The following ADGRL1 variants were observed in gnomAD, a reference collection of about 807,000 sequenced individuals.
ADGRL1 encodes CIRL-1.
Under a neutral mutation model 148.9 loss-of-function variants are expected in ADGRL1, and 31 were observed. The observed-to-expected ratio is 0.21, with a 90% CI of 0.16 to 0.28. The LOEUF (loss-of-function observed/expected upper bound fraction) is 0.28, where lower values mean the gene tolerates loss of function less well. Ranked by LOEUF, ADGRL1 falls within the 10% of genes least tolerant of loss-of-function variation. The probability of loss-of-function intolerance (pLI) is 1.00; values close to 1 mark genes in which losing one functional copy is unlikely to be tolerated. For missense variants in ADGRL1, 1,521 were observed against 2,058.8 expected, an observed-to-expected ratio of 0.74 and a Z score of 5.05; for synonymous variants, 937 against 900.3, an observed-to-expected ratio of 1.04 and a Z score of -0.73.
intron 3 of ADGRL1, among the ~76,000 whole-genome samples, chr19:14,176,437 G>C (rs752014596): frequency 1.4e-4 from 21 of 152,296 alleles, no homozygotes; most frequent in Non-Finnish European, 2.8e-4. Context: ...CCAAGTTACA[G>C]TCTTGCATGC....
chr19:14,176,837 C>CAA (rs34113726), intron 3 of ADGRL1, among the ~76,000 whole-genome samples: 125 of 136,378 alleles, frequency 9.2e-4, no homozygotes, highest in African/African-American at 3.2e-3. Context: ...ACCCTATCTT[C>CAA]AAAAAAAAAA....
rs888792140 is a variant in ADGRL1 at position 14,159,289 on chromosome 19, G to C, written c.2024-74C>G. On this transcript the variant is annotated intron_variant, in intron 10 of 22. Transcript: ENST00000361434. This position sits in a 1 kb window ranked among gnomAD's most constrained non-coding sequence, Gnocchi z 6.0. ...AGTCCAGGGGCTCAGGCTGCAGAACGAGACTCTGGCAAGATGCCCAAGGGT... is the reference window on the plus strand; with the variant it reads ...AGTCCAGGGGCTCAGGCTGCAGAACCAGACTCTGGCAAGATGCCCAAGGGT... The C allele has an allele frequency of 3.2e-6, 5 of 1,585,020 alleles. No individual in the cohort carries two copies. Among genetic ancestry groups the C allele is most frequent in the African/African-American group, 1.3e-5 (1 of 74,336 alleles).
intron 1 of ADGRL1, among the ~76,000 whole-genome samples, chr19:14,205,007 G>A (rs1303413920): frequency 6.6e-6 from 1 of 152,130 alleles, no homozygotes; most frequent in African/African-American, 2.4e-5. Context: ...GTTGGCCAGG[G>A]ATGGGGCAGT....
chr19:14,156,084 AG>A, intron 17 of ADGRL1, 25 bp downstream of exon 17: 1 of 1,329,284 alleles, frequency 7.5e-7, no homozygotes, highest in Admixed American at 2.2e-5. Flanking sequence ...GTGATGGGGC[AG>A]GGGGCAGGCA....
At chr19:14,203,493 C>T (rs1345291712) in intron 1 of ADGRL1, among the ~76,000 whole-genome samples, 1 of 152,134 alleles carries the variant, frequency 6.6e-6, no homozygotes, top group Non-Finnish European at 1.5e-5. Context: ...GCAGACGCCC[C>T]GAGATGCAAG....
chr19:14,164,397 G>A (rs1969745742), intron 4 of ADGRL1, among the ~76,000 whole-genome samples: 1 of 152,110 alleles, frequency 6.6e-6, no homozygotes, highest in South Asian at 2.1e-4. Flanking sequence ...GGCTCCGTGG[G>A]AGGCTGCGCT....
intron 2 of ADGRL1, 91 bp from the exon 3 acceptor site, chr19:14,177,835 C>G (rs777383238): frequency 2.0e-4 from 236 of 1,198,770 alleles, no homozygotes; most frequent in Non-Finnish European, 2.6e-4. Context: ...ACCTCTGGCT[C>G]GGCTGTGTCC....
intron 16 of ADGRL1, 92 bp from the exon 17 acceptor site, chr19:14,156,293 G>T: frequency 9.8e-7 from 1 of 1,018,054 alleles, no homozygotes; most frequent in Non-Finnish European, 1.5e-6. Context: ...CGAAATCTCA[G>T]CTGTGGCCCT....
At chr19:14,185,805 G>A (rs566435645) in intron 1 of ADGRL1, among the ~76,000 whole-genome samples, 1 of 152,264 alleles carries the variant, frequency 6.6e-6, no homozygotes, top group African/African-American at 2.4e-5. Context: ...CCTTGTAATT[G>A]GCCCAGTTAG....
rs373058137 is a variant in ADGRL1 at position 14,160,576 on chromosome 19, G to A, written c.1614+17C>T. The A allele has an allele frequency of 3.3e-5, 52 of 1,570,222 alleles. No homozygotes were observed. In the East Asian group the frequency reaches 6.5e-4, roughly 20 times the overall value. ...CCCGAGCACATGTGCCTGCCTGCGA[G>A]GGGTGGTGGCTGGTACCTTCTGGGC... On this transcript the variant is annotated intron_variant, in intron 7 of 22. Transcript: ENST00000361434. This position sits in a 1 kb window ranked among gnomAD's most constrained non-coding sequence, Gnocchi z 5.9.
rs1482438088 is a variant in ADGRL1 at position 14,162,856 on chromosome 19, C to G, written c.945G>C (p.Met315Ile). 1.2e-6 allele frequency: 2 copies of G among 1,614,088 alleles called. No individual in the cohort carries two copies. Among genetic ancestry groups the G allele is most frequent in the Non-Finnish European group, 8.5e-7 (1 of 1,180,006 alleles). Residue 315 changes from methionine to isoleucine, a missense_variant, in exon 5 of 23, where the codon ATG becomes ATC. Around this residue, in one of 8 missense-constraint regions of ADGRL1, gnomAD observed 334 missense variants for 512.5 expected, o/e 0.65. Coordinates refer to ENST00000361434, the MANE Select transcript of ADGRL1 (RefSeq NM_014921.5). This position sits in a 1 kb window ranked among gnomAD's most constrained non-coding sequence, Gnocchi z 5.4. The part of the protein sequence containing the change: ...YDKRSASNAF[M>I]VCGVLYVLRS... ...GCAGGACGTACAGGACCCCACACAC[C>G]ATGAAGGCGTTGGATGCCGAGCGCT...
At position 14,157,022 on chromosome 19, in the gene ADGRL1, G is replaced by A. The variant is rs150820451; in HGVS notation, c.2869C>T (p.Arg957Cys). 9.3e-6 allele frequency: 15 copies of A among 1,613,864 alleles called. No individual in the cohort carries two copies. Among genetic ancestry groups the A allele is most frequent in the Admixed American group, 1.7e-5 (1 of 59,972 alleles). The change falls in exon 15 of 23, where the codon CGC becomes TGC. Residue 957 changes from arginine to cysteine, a missense_variant. Physicochemically the swap from Arg to Cys is radical, Grantham distance 180 (BLOSUM62 -3). Coordinates refer to ENST00000361434, the MANE Select transcript of ADGRL1 (RefSeq NM_014921.5). The surrounding 1 kb of genome is among the most constrained non-coding windows in gnomAD (Gnocchi z 7.5). ...CCACCCAGGTAGTAGTACTTGGTGC[G>A]GGAATACTCGCTCTCAAACACCTCC... ...LVEVFESEYS[R>C]TKYYYLGGYC...
intron 1 of ADGRL1, among the ~76,000 whole-genome samples, chr19:14,189,686 C>A (rs1599501881): frequency 6.6e-6 from 1 of 152,154 alleles, no homozygotes; most frequent in East Asian, 1.9e-4. Context: ...AATGGACATG[C>A]GGGCTGTTGC....
At position 14,151,059 on chromosome 19, in the gene ADGRL1, A is replaced by AGGGGGCGGGGGGGGGGGGGG; in HGVS notation, c.4223_4224insCCCCCCCCCCCCCCGCCCCC (p.Ala1410ProfsTer125). On this transcript the variant is annotated frameshift_variant, in exon 23 of 23. Coordinates refer to ENST00000361434, the MANE Select transcript of ADGRL1 (RefSeq NM_014921.5). LOFTEE classifies it high-confidence loss of function. Reference sequence around the variant, plus strand: ...TTTCGGGGGGGCCGGGGGGTGCGGGAGGGGGTGGGGGCAGGGCCTCACTGG... The same window carrying AGGGGGCGGGGGGGGGGGGGG: ...TTTCGGGGGGGCCGGGGGGTGCGGGAGGGGGCGGGGGGGGGGGGGGGGGGGTGGGGGCAGGGCCTCACTGG... The AGGGGGCGGGGGGGGGGGGGG allele has an allele frequency of 4.8e-6, 1 of 208,602 alleles. No individual in the cohort carries two copies. 12.9% of individuals were successfully genotyped at this position (208,602 alleles called of 1,614,324 possible). A position where few individuals can be genotyped will look rare whatever the true frequency, so the allele number is the denominator to read the frequency against.
chr19:14,192,627 G>A (rs1244592726), intron 1 of ADGRL1, among the ~76,000 whole-genome samples: 4 of 151,450 alleles, frequency 2.6e-5, no homozygotes, highest in Admixed American at 2.0e-4. Context: ...TGCAACCTCC[G>A]CCTCAAGTGA....
chr19:14,160,390 T>G lies in ADGRL1; in HGVS notation c.1615-93A>C, dbSNP rs1969232887. On this transcript the variant is annotated intron_variant, in intron 7 of 22. Transcript: ENST00000361434. This position sits in a 1 kb window ranked among gnomAD's most constrained non-coding sequence, Gnocchi z 5.9. The stretch of plus-strand genomic sequence containing the variant: ...TCCCTGGCCTGTGCAGCCTCTCCTA[T>G]CTCTCTCTCCACTTCCCCATCGCCA... The G allele has an allele frequency of 3.3e-6, 4 of 1,200,040 alleles. No homozygotes were observed. The East Asian group carries it at 9.8e-5, about 29-fold the overall frequency. 74.3% of individuals were successfully genotyped at this position (1,200,040 alleles called of 1,614,324 possible). A position where few individuals can be genotyped will look rare whatever the true frequency, so the allele number is the denominator to read the frequency against.
In ADGRL1 at chr19:14,206,063, C is replaced by A. The variant is rs1268499996; in HGVS notation, c.-174G>T. The A allele has an allele frequency of 1.3e-5, 2 of 152,058 alleles. No individual in the cohort carries two copies. Among genetic ancestry groups the A allele is most frequent in the East Asian group, 3.9e-4 (2 of 5,130 alleles). The allele number at this position is 152,058 out of a possible 1,614,324, so 9.4% of individuals were successfully genotyped here. The stretch of plus-strand genomic sequence containing the variant: ...AACCCGGGCCCCCCGCCCGGCACAT[C>A]TCCCGGAGCCGGGGCTGGGGGGAAG... On this transcript the variant is annotated 5_prime_UTR_variant, in exon 1 of 23. Transcript: ENST00000361434.
At chr19:14,197,467 C>G (rs945084095) in intron 1 of ADGRL1, among the ~76,000 whole-genome samples, 5 of 152,038 alleles carry the variant, frequency 3.3e-5, no homozygotes, top group African/African-American at 1.2e-4. Context: ...CCAATTACAC[C>G]CCTCCCTGCC....
intron 18 of ADGRL1, among the ~76,000 whole-genome samples, chr19:14,153,518 C>A (rs969954019): frequency 1.3e-5 from 2 of 149,936 alleles, no homozygotes; most frequent in African/African-American, 2.5e-5. Flanking sequence ...CTGGTTCACA[C>A]GATTCTCCTG....
Sources: allele counts gnomAD v4.1 joint callset (sites outside exome capture counted in the v4.1 genomes callset), GRCh38; gene constraint gnomAD v4.1.1; regional missense constraint gnomAD v4.1.1; non-coding constraint Gnocchi (gnomAD v3.1); transcripts MANE v1.5; gene names NCBI Gene and HGNC (gene_info 2026-07-23, HGNC 2026-07-21).